Variants in TULP4 observed in about 807,000 individuals in gnomAD.
The protein encoded by TULP4 is TUB like protein 4.
TULP4 carries 16 observed loss-of-function variants against 129.0 expected under a neutral mutation model. The ratio of observed to expected loss-of-function variants is 0.12; its 90% CI spans 0.08 to 0.19. TULP4 has a LOEUF of 0.19. TULP4 is among the 10% of genes least tolerant of loss of function. TULP4 has a pLI of 1.00. For synonymous variants in TULP4, 998 were observed against 854.0 expected (o/e 1.17, Z -2.94); for missense variants, 1,842 against 2,059.1 (o/e 0.89, Z 2.04).
intron 1 of TULP4, among the ~76,000 whole-genome samples, chr6:158,331,747 G>GTATATA: frequency 6.8e-5 from 2 of 29,238 alleles, no homozygotes; most frequent in South Asian, 2.0e-3. Context: ...ATATATACGT[G>GTATATA]TATATACACG....
chr6:158,350,136 G>T (rs1180513127), intron 1 of TULP4, among the ~76,000 whole-genome samples: 2 of 150,176 alleles, frequency 1.3e-5, no homozygotes, highest in Admixed American at 6.6e-5. Flanking sequence ...CGGGGCAACC[G>T]AGCAGAGGCG....
chr6:158,461,434 A>G lies in TULP4; in HGVS notation c.860-129A>G, dbSNP rs1052469582. On this transcript the variant is annotated intron_variant, in intron 5 of 13. Coordinates refer to ENST00000367097, the MANE Select transcript of TULP4 (RefSeq NM_020245.5). Reference sequence around the variant, plus strand: ...CTCAAAAAAAAAAAAAAAGGAAAAAACCATGAATATATTTTTGTTGTATTT... The same window carrying G: ...CTCAAAAAAAAAAAAAAAGGAAAAAGCCATGAATATATTTTTGTTGTATTT... 1.3e-5 allele frequency: 12 copies of G among 956,496 alleles called. No individual in the cohort carries two copies. The African/African-American group carries it at 1.5e-4, about 12-fold the overall frequency. The allele number at this position is 956,496 out of a possible 1,614,324, so 59.3% of individuals were successfully genotyped here.
chr6:158,472,312 C>T (rs757075610), intron 6 of TULP4, among the ~76,000 whole-genome samples: 8 of 152,086 alleles, frequency 5.3e-5, no homozygotes, highest in Non-Finnish European at 1.2e-4. Flanking sequence ...TAACATGGAT[C>T]CTGAATTTAA....
chr6:158,504,472 G>A (rs910494251), intron 13 of TULP4, among the ~76,000 whole-genome samples: 18 of 151,394 alleles, frequency 1.2e-4, no homozygotes, highest in Non-Finnish European at 1.6e-4. Context: ...TCAGCCTCCC[G>A]AGTAGCTGGG....
intron 3 of TULP4, among the ~76,000 whole-genome samples, chr6:158,435,115 T>C (rs1583872187): frequency 6.6e-6 from 1 of 152,314 alleles, no homozygotes; most frequent in East Asian, 1.9e-4. Context: ...ACATACATAA[T>C]ATGGGTGCAT....
Position 158,493,576 on chromosome 6 carries a change from C to A in TULP4, c.1635C>A (p.Ile545=). 1 of 1,514,358 alleles carries A rather than the reference C, an allele frequency of 6.6e-7. No individual in the cohort carries two copies. The highest frequency in any genetic ancestry group is 1.3e-5 in the South Asian group (1 of 77,358). The allele number at this position is 1,514,358 out of a possible 1,614,324, so 93.8% of individuals were successfully genotyped here. A position where few individuals can be genotyped will look rare whatever the true frequency, so the allele number is the denominator to read the frequency against. ...CCTCCTGGCCTTGCCTCCCCAGGAT[C>A]AGCATTGAGGCCCGCAAGTCACCCA... The part of the protein sequence containing the change: ...RASKSPKLPR[I]SIEARKSPKL... The change falls in exon 10 of 14, where the codon ATC becomes ATA. Residue 545 remains isoleucine, a synonymous_variant. Coordinates refer to ENST00000367097, the MANE Select transcript of TULP4 (RefSeq NM_020245.5). This position sits in a 1 kb window ranked among gnomAD's most constrained non-coding sequence, Gnocchi z 4.4.
At chr6:158,423,633 T>TG (rs1394904117) in intron 2 of TULP4, among the ~76,000 whole-genome samples, 3 of 150,666 alleles carry the variant, frequency 2.0e-5, no homozygotes, top group East Asian at 3.9e-4. Flanking sequence ...GTTTTTGTTT[T>TG]TTGTTGTTGT....
intron 1 of TULP4, among the ~76,000 whole-genome samples, chr6:158,236,916 C>T (rs1406622117): frequency 1.4e-5 from 2 of 145,400 alleles, no homozygotes; most frequent in African/African-American, 2.6e-5. Flanking sequence ...CAGTTTCAAG[C>T]GATTCTGCCT....
chr6:158,377,126 G>A (rs1317587337), intron 1 of TULP4, among the ~76,000 whole-genome samples: 1 of 152,184 alleles, frequency 6.6e-6, no homozygotes, highest in Non-Finnish European at 1.5e-5. Context: ...ATTTTAATGG[G>A]CAGTGGGAAG....
At chr6:158,317,031 G>A (rs1779507687) in intron 1 of TULP4, among the ~76,000 whole-genome samples, 1 of 152,150 alleles carries the variant, frequency 6.6e-6, no homozygotes, top group Non-Finnish European at 1.5e-5. Flanking sequence ...CCACTCCTGG[G>A]GAGGGGATTA....
At chr6:158,498,328 AAAAAATATGTTT>A (rs1260948305) in intron 11 of TULP4, among the ~76,000 whole-genome samples, 1 of 152,208 alleles carries the variant, frequency 6.6e-6, no homozygotes, top group Non-Finnish European at 1.5e-5. Context: ...TGAGGTTTTT[AAAAAATATGTTT>A]TTATACCCTA....
intron 3 of TULP4, among the ~76,000 whole-genome samples, chr6:158,446,905 C>T (rs774910157): frequency 5.3e-5 from 8 of 152,184 alleles, no homozygotes; most frequent in African/African-American, 7.2e-5. Context: ...CCCACCCTCA[C>T]GACCTTGTCT....
In TULP4 at chr6:158,276,266, G is replaced by T. The variant is rs1583697082; in HGVS notation, n.69-35785G>T. On this transcript the variant is annotated intron_variant and non_coding_transcript_variant, in intron 1 of 1. Transcript: ENST00000620026. ...ATTACAGGCGTGAGCCACTGCGCCCGGCTGGGAGACTTTTTCTTCTTCCTT... is the reference window on the plus strand; with the variant it reads ...ATTACAGGCGTGAGCCACTGCGCCCTGCTGGGAGACTTTTTCTTCTTCCTT... Among the ~76,000 whole-genome samples, 3 of 151,610 alleles carry T rather than the reference G, an allele frequency of 2.0e-5. No individual in the cohort carries two copies. In the South Asian group the frequency reaches 6.3e-4, roughly 32 times the overall value.
chr6:158,233,290 G>T (rs769217921), intron 1 of TULP4, among the ~76,000 whole-genome samples: 3 of 152,212 alleles, frequency 2.0e-5, no homozygotes, highest in South Asian at 2.1e-4. Context: ...TCTCTTTGGG[G>T]TCTCCCCCAC....
chr6:158,373,352 G>T (rs187877999), intron 1 of TULP4, among the ~76,000 whole-genome samples: 2 of 152,148 alleles, frequency 1.3e-5, no homozygotes, highest in African/African-American at 4.8e-5. Context: ...AGGAGCTGGC[G>T]CTGTTCACCA....
At chr6:158,384,668 G>T (rs1777401441) in intron 1 of TULP4, among the ~76,000 whole-genome samples, 3 of 152,270 alleles carry the variant, frequency 2.0e-5, no homozygotes, top group Admixed American at 1.3e-4. Context: ...TGTTTGACAG[G>T]TGATTAGCCA....
chr6:158,397,710 T>C lies in TULP4; in HGVS notation c.253-15355T>C, dbSNP rs1296145944. On this transcript the variant is annotated intron_variant, in intron 1 of 13. Transcript: ENST00000367097. ...CACTCATGTGCCTGAGTGAAGATAGTGTAGAACAGAGCCTCAGCCGGCCCA... is the reference window on the plus strand; with the variant it reads ...CACTCATGTGCCTGAGTGAAGATAGCGTAGAACAGAGCCTCAGCCGGCCCA... 2.0e-5 allele frequency among the ~76,000 whole-genome samples: 3 copies of C among 152,200 alleles called. No homozygotes were observed. The East Asian group carries it at 5.8e-4, about 29-fold the overall frequency.
chr6:158,478,960 C>T (rs1779877686), intron 6 of TULP4, among the ~76,000 whole-genome samples: 1 of 152,146 alleles, frequency 6.6e-6, no homozygotes. Flanking sequence ...CCGTCAGTGC[C>T]AAGGGAGGCT....
At chr6:158,283,305 T>C (rs1778789436) in intron 1 of TULP4, among the ~76,000 whole-genome samples, 1 of 152,236 alleles carries the variant, frequency 6.6e-6, no homozygotes, top group African/African-American at 2.4e-5. Context: ...AAATCATTTT[T>C]AGAAATTTTG....
Sources: gnomAD v4.1 joint callset for allele counts (sites outside exome capture counted in the v4.1 genomes callset) on GRCh38, gnomAD v4.1.1 for gene constraint, Gnocchi (gnomAD v3.1) non-coding constraint, MANE v1.5 for transcripts, NCBI Gene and HGNC (gene_info 2026-07-23, HGNC 2026-07-21) for gene names.